TMEM108: variants seen among roughly 807,000 people sequenced by gnomAD.
The protein encoded by TMEM108 is cancer/testis antigen 124.
In TMEM108, 12 loss-of-function variants were observed where a neutral mutation model predicts 35.1. The ratio of observed to expected loss-of-function variants is 0.34; its 90% CI spans 0.22 to 0.55. The LOEUF (loss-of-function observed/expected upper bound fraction) is 0.55. Ranked by LOEUF, TMEM108 falls within the 20% of genes least tolerant of loss-of-function variation. The probability of loss-of-function intolerance (pLI) is 0.89; values close to 1 mark genes in which losing one functional copy is unlikely to be tolerated. For synonymous variants in TMEM108, 287 were observed against 308.6 expected (o/e 0.93, Z 0.73); for missense variants, 680 against 753.3 (o/e 0.90, Z 1.14).
At chr3:133,382,078 G>A (rs2073028238) in intron 4 of TMEM108, among the ~76,000 whole-genome samples, 1 of 152,106 alleles carries the variant, frequency 6.6e-6, no homozygotes, top group Admixed American at 6.5e-5. Context: ...TCATGTACTT[G>A]AGCTTTGATT....
At chr3:133,121,747 T>A (rs953352125) in intron 2 of TMEM108, among the ~76,000 whole-genome samples, 1 of 152,230 alleles carries the variant, frequency 6.6e-6, no homozygotes, top group Non-Finnish European at 1.5e-5. Context: ...AATGGCAATG[T>A]CAAGAGCATT....
chr3:133,235,796 G>A (rs546613398), intron 3 of TMEM108, among the ~76,000 whole-genome samples: 1 of 152,222 alleles, frequency 6.6e-6, no homozygotes, highest in East Asian at 1.9e-4. Flanking sequence ...GGCAAGTGGG[G>A]CATTATTATT....
At position 133,309,682 on chromosome 3, in the gene TMEM108, C is replaced by CTTTTTTT. The variant is rs148272827; in HGVS notation, c.41-70040_41-70034dup. ...TAGTTATGCGGGTTTGAGTGAGTTT[C>CTTTTTTT]TTTTTTTTTTTTTTTTTTTTTTTTT... On this transcript the variant is annotated intron_variant, in intron 3 of 5. Coordinates refer to ENST00000321871, the MANE Select transcript of TMEM108 (RefSeq NM_023943.4). Among the ~76,000 whole-genome samples the CTTTTTTT allele has an allele frequency of 4.3e-4, 30 of 69,192 alleles. 3 individuals are homozygous for CTTTTTTT. Among genetic ancestry groups the CTTTTTTT allele is most frequent in the Non-Finnish European group, 6.2e-4 (22 of 35,696 alleles). 45.4% of individuals were successfully genotyped at this position (69,192 alleles called of 152,430 possible). A position where few individuals can be genotyped will look rare whatever the true frequency, so the allele number is the denominator to read the frequency against.
intron 4 of TMEM108, chr3:133,389,529 C>A: frequency 5.5e-6 from 2 of 360,452 alleles, no homozygotes; most frequent in Non-Finnish European, 7.7e-6. Context: ...ACTAAAAATA[C>A]AAAAATTAGC....
At chr3:133,181,968 A>G (rs1446755608) in intron 2 of TMEM108, among the ~76,000 whole-genome samples, 1 of 152,212 alleles carries the variant, frequency 6.6e-6, no homozygotes, top group Non-Finnish European at 1.5e-5. Flanking sequence ...TGCCCAGAGT[A>G]TGGAGTCACA....
In TMEM108 at chr3:133,380,096, C is replaced by T. The variant is rs531553686; in HGVS notation, c.385C>T (p.Pro129Ser). Residue 129 changes from proline (P) to serine (S), a missense_variant, in exon 4 of 6, where the codon CCA becomes TCA. By Grantham distance (74) the Pro-to-Ser change is moderately conservative (BLOSUM62 -1). This residue lies in a region of TMEM108 where 526 missense variants were observed against 532.1 expected (regional missense o/e 0.99). Coordinates refer to ENST00000321871, the MANE Select transcript of TMEM108 (RefSeq NM_023943.4). The surrounding 1 kb of genome is among the most constrained non-coding windows in gnomAD (Gnocchi z 5.3). ...PAAMATTSSK[P>S]EGRPRGQAAP... ...AGCCATGGCAACCACATCCTCCAAG[C>T]CAGAGGGCCGCCCTCGAGGGCAGGC... 1.9e-6 allele frequency: 3 copies of T among 1,614,044 alleles called. No homozygotes were observed. The highest frequency in any genetic ancestry group is 2.5e-6 in the Non-Finnish European group (3 of 1,179,990).
intron 4 of TMEM108, among the ~76,000 whole-genome samples, chr3:133,382,107 T>C (rs1212100653): frequency 2.0e-5 from 3 of 152,218 alleles, no homozygotes; most frequent in Admixed American, 6.5e-5. Flanking sequence ...TCTTAGAGTT[T>C]CTCTGATAGC....
chr3:133,268,502 G>A (rs546644711), intron 3 of TMEM108, among the ~76,000 whole-genome samples: 2 of 152,230 alleles, frequency 1.3e-5, no homozygotes, highest in East Asian at 1.9e-4. Flanking sequence ...AGAGGAGACC[G>A]ACTCTGAAGT....
At chr3:133,137,917 C>T (rs1576339090) in intron 2 of TMEM108, among the ~76,000 whole-genome samples, 1 of 152,090 alleles carries the variant, frequency 6.6e-6, no homozygotes, top group Non-Finnish European at 1.5e-5. Flanking sequence ...AGTGTTCTGT[C>T]GTCTCCAAGA....
intron 3 of TMEM108, among the ~76,000 whole-genome samples, chr3:133,270,685 G>A (rs1458663362): frequency 6.6e-6 from 1 of 152,064 alleles, no homozygotes; most frequent in Non-Finnish European, 1.5e-5. Flanking sequence ...GAGGATCTTG[G>A]CAGTCAAATA....
At chr3:133,226,938 G>A (rs1030158101) in intron 2 of TMEM108, among the ~76,000 whole-genome samples, 1 of 152,110 alleles carries the variant, frequency 6.6e-6, no homozygotes, top group African/African-American at 2.4e-5. Context: ...TATGTGGATG[G>A]TGGCAGGCAA....
In TMEM108 at chr3:133,381,178, C is replaced by CCCACCCATCCTCTCCCTCTA; in HGVS notation, c.1450+22_1450+41dup. 6.4e-7 allele frequency: 1 copy of CCCACCCATCCTCTCCCTCTA among 1,571,580 alleles called. No individual in the cohort carries two copies. Among genetic ancestry groups the CCCACCCATCCTCTCCCTCTA allele is most frequent in the Non-Finnish European group, 8.7e-7 (1 of 1,154,336 alleles). ...CCTCCTGCTGTAAGTGCCGCCCTCT[C>CCCACCCATCCTCTCCCTCTA]CCACCCATCCTCTCCCTCTACCACA... On this transcript the variant is annotated intron_variant, in intron 4 of 5. Transcript: ENST00000321871.
chr3:133,253,395 G>A (rs1334179291), intron 3 of TMEM108: 1 of 152,140 alleles, frequency 6.6e-6, no homozygotes, highest in Non-Finnish European at 1.5e-5. Context: ...CTGTAAGGTT[G>A]TTTCAACTCT....
chr3:133,291,767 G>A (rs886393259), intron 3 of TMEM108, among the ~76,000 whole-genome samples: 2 of 152,156 alleles, frequency 1.3e-5, no homozygotes, highest in African/African-American at 4.8e-5. Context: ...AGATGCAGAA[G>A]GCAGGGTTCC....
At chr3:133,181,021 A>AC (rs1264943938) in intron 2 of TMEM108, among the ~76,000 whole-genome samples, 5 of 144,290 alleles carry the variant, frequency 3.5e-5, no homozygotes, top group African/African-American at 1.4e-4. Context: ...AAAAAAAAAA[A>AC]AAAAAAAAAA....
In TMEM108 at chr3:133,389,297, A is replaced by G. The variant is rs1055142990; in HGVS notation, c.1451-883A>G. The stretch of plus-strand genomic sequence containing the variant: ...ATGAACAGACAGGGTCACATGTCAC[A>G]CTGTGCTCAGTCAAGCTGTGTGGAG... On this transcript the variant is annotated intron_variant, in intron 4 of 5. Transcript: ENST00000321871. The G allele has an allele frequency of 2.9e-5, 29 of 985,506 alleles. No individual in the cohort carries two copies. The African/African-American group carries it at 4.9e-4, about 17-fold the overall frequency. The allele number at this position is 985,506 out of a possible 1,614,324, so 61.0% of individuals were successfully genotyped here. A position where few individuals can be genotyped will look rare whatever the true frequency, so the allele number is the denominator to read the frequency against.
intron 2 of TMEM108, among the ~76,000 whole-genome samples, chr3:133,225,134 C>A (rs556003890): frequency 2.7e-5 from 4 of 150,286 alleles, no homozygotes; most frequent in African/African-American, 9.8e-5. Flanking sequence ...GCAATCTCCA[C>A]TTCCTGGGTT....
intron 1 of TMEM108, among the ~76,000 whole-genome samples, chr3:133,044,684 C>T (rs960806778): frequency 2.6e-5 from 4 of 152,122 alleles, no homozygotes; most frequent in Non-Finnish European, 2.9e-5. Context: ...GTTGGTGGCT[C>T]GTGCCTTTGA....
intron 2 of TMEM108, among the ~76,000 whole-genome samples, chr3:133,077,936 G>A (rs1275024760): frequency 6.6e-6 from 1 of 152,104 alleles, no homozygotes; most frequent in African/African-American, 2.4e-5. Context: ...ACAGCCCGGG[G>A]GCATTCAGAG....
Sources: allele counts gnomAD v4.1 joint callset (sites outside exome capture counted in the v4.1 genomes callset), GRCh38; gene constraint gnomAD v4.1.1; regional missense constraint gnomAD v4.1.1; non-coding constraint Gnocchi (gnomAD v3.1); transcripts MANE v1.5; gene names NCBI Gene and HGNC (gene_info 2026-07-23, HGNC 2026-07-21).